The following SLC30A7 variants were observed in gnomAD, a reference collection of about 807,000 sequenced individuals.
The protein encoded by SLC30A7 is solute carrier family 30 member 7, also known as zinc transporter 7.
Under a neutral mutation model 46.0 loss-of-function variants are expected in SLC30A7, and 35 were observed. The ratio of observed to expected loss-of-function variants is 0.76; its 90% CI spans 0.58 to 1.01. SLC30A7 has a LOEUF of 1.01. Among genes scored for constraint, SLC30A7 ranks in the 50% least tolerant of loss-of-function variants. The pLI is 0.00. For missense variants in SLC30A7, 464 were observed against 451.1 expected, an observed-to-expected ratio of 1.03 and a Z score of -0.26; for synonymous variants, 147 against 157.8, an observed-to-expected ratio of 0.93 and a Z score of 0.51.
chr1:100,906,124 G>A (rs1464700950), intron 2 of SLC30A7, among the ~76,000 whole-genome samples: 9 of 152,180 alleles, frequency 5.9e-5, no homozygotes, highest in Admixed American at 2.6e-4. Context: ...ACAAATCACA[G>A]TCTTTGAATT....
chr1:100,995,260 A>G, the SLC30A7 span: 1 of 609,186 alleles, frequency 1.6e-6, no homozygotes, highest in Non-Finnish European at 2.9e-6. Flanking sequence ...CTCTTCCCTC[A>G]CATTTTAATT....
At chr1:100,919,185 A>G (rs781558654) in intron 7 of SLC30A7, among the ~76,000 whole-genome samples, 10 of 152,198 alleles carry the variant, frequency 6.6e-5, no homozygotes. Context: ...TTTACATGCC[A>G]GAGAAAATCC....
At chr1:100,919,779 C>T (rs1301208904) in intron 7 of SLC30A7, among the ~76,000 whole-genome samples, 1 of 152,044 alleles carries the variant, frequency 6.6e-6, no homozygotes, top group Non-Finnish European at 1.5e-5. Flanking sequence ...CAGTAAATAG[C>T]TGAAGAACAG....
intron 8 of SLC30A7, among the ~76,000 whole-genome samples, chr1:100,922,718 A>C (rs1315092352): frequency 1.3e-5 from 2 of 152,210 alleles, no homozygotes; most frequent in Non-Finnish European, 2.9e-5. Flanking sequence ...TAGGTGTATA[A>C]ATTCTCAATA....
intron 8 of SLC30A7, among the ~76,000 whole-genome samples, chr1:100,961,119 T>C (rs1203573674): frequency 6.7e-6 from 1 of 150,200 alleles, no homozygotes; most frequent in Non-Finnish European, 1.5e-5. Flanking sequence ...CATGCCCGGC[T>C]GATTTTTTTT....
chr1:100,940,040 T>C (rs1399952499), intron 8 of SLC30A7, among the ~76,000 whole-genome samples: 1 of 151,992 alleles, frequency 6.6e-6, no homozygotes, highest in Non-Finnish European at 1.5e-5. Flanking sequence ...ATGTAAAATA[T>C]AAAGCCTTTG....
chr1:100,993,557 TAA>T, the SLC30A7 span, among the ~76,000 whole-genome samples: 4 of 76,934 alleles, frequency 5.2e-5, no homozygotes, highest in Admixed American at 4.8e-4. Context: ...GTCGAAAATA[TAA>T]ATATATATAT....
At chr1:100,918,157 T>C in intron 7 of SLC30A7, 30 bp downstream of exon 7, 1 of 1,587,940 alleles carries the variant, frequency 6.3e-7, no homozygotes, top group Non-Finnish European at 8.6e-7. Context: ...TGTTTCTTAG[T>C]TTTTTGAAAC....
chr1:100,902,803 A>G (rs1651390602), intron 2 of SLC30A7, among the ~76,000 whole-genome samples: 1 of 152,188 alleles, frequency 6.6e-6, no homozygotes. Context: ...TTAATGACCT[A>G]ATATTAACTA....
At position 100,968,332 on chromosome 1, in the gene SLC30A7, A is replaced by T. The variant is rs189421974; in HGVS notation, c.1083+2414A>T. On this transcript the variant is annotated intron_variant, in intron 10 of 10. Transcript: ENST00000357650. ...AAAAATTAGCTGGGTATGGTGGTGC[A>T]TGCCTGTAATCCCAGTCACTCGGGA... Among the ~76,000 whole-genome samples the T allele has an allele frequency of 3.9e-5, 6 of 152,074 alleles. No individual in the cohort carries two copies. In the East Asian group the frequency reaches 1.2e-3, roughly 30 times the overall value.
At chr1:100,907,038 A>C in intron 3 of SLC30A7, 73 bp downstream of exon 3, 7 of 1,021,844 alleles carry the variant, frequency 6.9e-6, no homozygotes, top group South Asian at 1.4e-5. Flanking sequence ...TCTTAAGCTC[A>C]GTGACTTGTT....
At chr1:100,913,902 A>G in intron 6 of SLC30A7, 96 bp downstream of exon 6, 2 of 1,489,756 alleles carry the variant, frequency 1.3e-6, no homozygotes, top group East Asian at 2.3e-5. Context: ...AAAAGATACC[A>G]AATCAACTTC....
At chr1:100,986,491 G>A (rs1386360852), downstream of SLC30A7, among the ~76,000 whole-genome samples, 1 of 151,796 alleles carries the variant, frequency 6.6e-6, no homozygotes, top group Non-Finnish European at 1.5e-5. Flanking sequence ...CAAAGATACA[G>A]AGCAATGGGA....
chr1:100,931,900 TAAG>T (rs961514965), intron 8 of SLC30A7, among the ~76,000 whole-genome samples: 1 of 152,198 alleles, frequency 6.6e-6, no homozygotes, highest in African/African-American at 2.4e-5. Flanking sequence ...AAAAGTCAAA[TAAG>T]AAGAGCTGTG....
At chr1:100,960,402 T>A (rs1312078742) in intron 8 of SLC30A7, among the ~76,000 whole-genome samples, 1 of 152,180 alleles carries the variant, frequency 6.6e-6, no homozygotes, top group Non-Finnish European at 1.5e-5. Flanking sequence ...CTTTCTGTCA[T>A]TCGTTTAACC....
chr1:100,935,546 A>G (rs1653917528), intron 8 of SLC30A7, among the ~76,000 whole-genome samples: 1 of 152,210 alleles, frequency 6.6e-6, no homozygotes, highest in Admixed American at 6.5e-5. Context: ...ATGCACTGGA[A>G]TAATCACTAT....
chr1:100,921,822 GC>G lies in SLC30A7; in HGVS notation c.825del (p.Ile276PhefsTer3). 6.2e-7 allele frequency: 1 copy of G among 1,612,546 alleles called. No homozygotes were observed. Among genetic ancestry groups the G allele is most frequent in the South Asian group, 1.1e-5 (1 of 91,024 alleles). The stretch of plus-strand genomic sequence containing the variant: ...AGATCCTATCTGTTCAATTCTTATA[GC>G]CATTCTTATAGTTGTAAGGTAAGTG... ...IADPICSILI[A>X]ILIVVSVIPL... On this transcript the variant is annotated frameshift_variant, in exon 8 of 11. Transcript: ENST00000357650. LOFTEE classifies it high-confidence loss of function.
chr1:100,976,656 G>A lies in SLC30A7; in HGVS notation c.*1799G>A, dbSNP rs980685595. On this transcript the variant is annotated 3_prime_UTR_variant, in exon 11 of 11. Coordinates refer to ENST00000357650, the MANE Select transcript of SLC30A7 (RefSeq NM_133496.5). Reference sequence around the variant, plus strand: ...CAGGATGGAAACAATTATTAAGAATGTAGATCAATAAGTACTTTTTAGTGA... The same window carrying A: ...CAGGATGGAAACAATTATTAAGAATATAGATCAATAAGTACTTTTTAGTGA... 2 of 152,508 alleles carry A rather than the reference G, an allele frequency of 1.3e-5. No homozygotes were observed. Among genetic ancestry groups the A allele is most frequent in the Non-Finnish European group, 2.9e-5 (2 of 68,018 alleles). 9.4% of individuals were successfully genotyped at this position (152,508 alleles called of 1,614,324 possible).
At chr1:100,993,559 A>AATAAATATAT in the SLC30A7 span, among the ~76,000 whole-genome samples, 4 of 56,546 alleles carry the variant, frequency 7.1e-5, no homozygotes, top group African/African-American at 1.9e-4. Flanking sequence ...CGAAAATATA[A>AATAAATATAT]ATATATATAT....
Sources: allele counts gnomAD v4.1 joint callset (sites outside exome capture counted in the v4.1 genomes callset), GRCh38; gene constraint gnomAD v4.1.1; transcripts MANE v1.5; gene names NCBI Gene and HGNC (gene_info 2026-07-23, HGNC 2026-07-21).